COL13A1: variants seen among roughly 807,000 people sequenced by gnomAD.
COL13A1 encodes collagen alpha-1(XIII) chain.
Under a neutral mutation model 130.9 loss-of-function variants are expected in COL13A1, and 89 were observed. The ratio of observed to expected loss-of-function variants is 0.68; its 90% confidence interval spans 0.57 to 0.81. The LOEUF (loss-of-function observed/expected upper bound fraction) is 0.81. Ranked by LOEUF, COL13A1 falls within the 30% of genes least tolerant of loss-of-function variation. The pLI, the probability that COL13A1 is intolerant of heterozygous loss-of-function variation, is 0.00. For missense variants in COL13A1, 879 were observed against 934.6 expected (o/e 0.94, Z 0.78); for synonymous variants, 402 against 341.6 (o/e 1.18, Z -1.95).
rs957746538 is a variant in COL13A1, at chr10:69,935,350, G to A, written c.1729G>A (p.Val577Ile). The stretch of plus-strand genomic sequence containing the variant: ...AACAGGGCTCCCCTTTGGCTTTTAG[G>A]TTCCTGGGCTGCCAGGGCCAGAGGG... ...AGEKGNPGAE[V>I]PGLPGPEGPP... The change falls in exon 32 of 41, where the codon GTT (valine) becomes ATT (isoleucine). Residue 577 changes from valine to isoleucine, a missense_variant and splice_region_variant. Val to Ile is a conservative substitution (Grantham distance 29). Around this residue, in one of 3 missense-constraint regions of COL13A1, gnomAD observed 96 missense variants for 147.7 expected, o/e 0.65. Transcript: ENST00000645393. 6.3e-7 allele frequency: 1 copy of A among 1,580,004 alleles called. No individual in the cohort carries two copies. The highest frequency in any genetic ancestry group is 1.8e-5 in the Admixed American group (1 of 55,892).
chr10:69,875,009 C>T, intron 4 of COL13A1, 119 bp from the exon 5 acceptor site: 1 of 1,201,136 alleles, frequency 8.3e-7, no homozygotes, highest in Admixed American at 1.9e-5. Context: ...GGGATGTCGT[C>T]CCCGCTGCAA....
Position 69,937,724 on chromosome 10 carries a change from C to T in COL13A1, c.1878+9C>T, listed in dbSNP as rs755159694. On this transcript the variant is annotated intron_variant, in intron 34 of 40. Transcript: ENST00000645393. ...GTCCCCTGGGACTACCCGTAAGTAC[C>T]TTGGACCCAGCAAGACTGGTGGGTT... The T allele has an allele frequency of 2.2e-6, 3 of 1,380,740 alleles. No individual in the cohort carries two copies. In the Admixed American group the frequency reaches 5.0e-5, roughly 23 times the overall value. The allele number at this position is 1,380,740 out of a possible 1,614,324, so 85.5% of individuals were successfully genotyped here.
At chr10:69,922,421 A>G (rs577816575) in intron 22 of COL13A1, among the ~76,000 whole-genome samples, 3 of 152,244 alleles carry the variant, frequency 2.0e-5, no homozygotes, top group South Asian at 2.1e-4. Flanking sequence ...GTTATTCCAC[A>G]TTTTGAATAT....
intron 39 of COL13A1, chr10:69,954,135 C>A (rs1474036615): frequency 3.9e-5 from 6 of 152,850 alleles, no homozygotes; most frequent in African/African-American, 1.4e-4. Context: ...CCATCCCCCC[C>A]AGGCTCCACT....
rs531719485 is a variant in COL13A1 at position 69,862,231 on chromosome 10, T to C, written c.365-5567T>C. On this transcript the variant is annotated intron_variant, in intron 2 of 40. Transcript: ENST00000645393. The stretch of plus-strand genomic sequence containing the variant: ...AGCACTAGACCAGGATTCAGGATCA[T>C]TTACCAGCCATGAATAATAGGCAAG... Among the ~76,000 whole-genome samples the C allele has an allele frequency of 7.9e-5, 12 of 152,296 alleles. No homozygotes were observed. The East Asian group carries it at 1.9e-3, about 24-fold the overall frequency.
In COL13A1 at chr10:69,930,412, A is replaced by G. The variant is rs752471307; in HGVS notation, c.1543A>G (p.Lys515Glu). The change falls in exon 30 of 41, where the codon AAA becomes GAA. Residue 515 changes from lysine to glutamate, a missense_variant. Transcript: ENST00000645393. ...GTATTTTCTAAAGGGACCTCGCGGT[A>G]AACCAGGAGACATGGGCCCTCCTGG... The part of the protein sequence containing the change: ...GHDGEKGPRG[K>E]PGDMGPPGPQ... 1.9e-6 allele frequency: 3 copies of G among 1,606,174 alleles called. No homozygotes were observed. The highest frequency in any genetic ancestry group is 2.5e-6 in the Non-Finnish European group (3 of 1,177,832).
intron 2 of COL13A1, among the ~76,000 whole-genome samples, chr10:69,856,443 T>A (rs1437092940): frequency 6.6e-6 from 1 of 152,126 alleles, no homozygotes; most frequent in Non-Finnish European, 1.5e-5. Flanking sequence ...CTAATCTCCC[T>A]CAACTCTTCT....
intron 7 of COL13A1, among the ~76,000 whole-genome samples, chr10:69,882,698 C>A (rs913305286): frequency 6.6e-6 from 1 of 152,224 alleles, no homozygotes; most frequent in Non-Finnish European, 1.5e-5. Flanking sequence ...TGAAACGCTA[C>A]GTTTAAAATG....
intron 5 of COL13A1, among the ~76,000 whole-genome samples, chr10:69,875,769 C>T (rs575890790): frequency 2.0e-5 from 3 of 152,356 alleles, no homozygotes; most frequent in African/African-American, 7.2e-5. Flanking sequence ...GGAAGGCCAG[C>T]CTCAGCCCCT....
In COL13A1 at chr10:69,905,759, T is replaced by C. The variant is rs1245159685; in HGVS notation, c.886-28T>C. 4.3e-6 allele frequency: 7 copies of C among 1,612,246 alleles called. No homozygotes were observed. The Admixed American group carries it at 1.0e-4, about 23-fold the overall frequency. ...CAAAGTTTGGCAGTGGGAAAACCTC[T>C]TTAATGGCCTTCTCTTTGTTTTCCC... On this transcript the variant is annotated intron_variant, in intron 16 of 40. Coordinates refer to ENST00000645393, the MANE Select transcript of COL13A1 (RefSeq NM_001368882.1).
chr10:69,870,978 C>T (rs192254087), intron 3 of COL13A1, among the ~76,000 whole-genome samples: 11 of 151,978 alleles, frequency 7.2e-5, no homozygotes, highest in East Asian at 1.9e-4. Context: ...AAGGGTGGCA[C>T]GATGTGGATG....
rs546473709 is a variant in COL13A1, at chr10:69,894,580, T to C, written c.630+2T>C. 1.8e-4 allele frequency: 287 copies of C among 1,614,008 alleles called. 1 individual carries two copies. The Admixed American group carries it at 4.5e-3, about 26-fold the overall frequency. On this transcript the variant is annotated splice_donor_variant, in intron 11 of 40. Transcript: ENST00000645393. LOFTEE classifies it high-confidence loss of function. The stretch of plus-strand genomic sequence containing the variant: ...CTGACGGGTCCCCCAGGACAGCCGG[T>C]TGGTACCTCATCCATCTATTTCCCA...
At chr10:69,903,053 C>A (rs1411211400) in intron 15 of COL13A1, among the ~76,000 whole-genome samples, 198 bp downstream of exon 15, 2 of 152,250 alleles carry the variant, frequency 1.3e-5, no homozygotes, top group African/African-American at 2.4e-5. Flanking sequence ...GAAACACAAC[C>A]TGGGCCATGT....
At position 69,802,661 on chromosome 10, in the gene COL13A1, G is replaced by T. The variant is rs550915746; in HGVS notation, c.238G>T (p.Gly80Trp). The change falls in exon 1 of 41, where the codon GGG becomes TGG. Residue 80 changes from glycine (G) to tryptophan (W), a missense_variant. Around this residue, in one of 3 missense-constraint regions of COL13A1, gnomAD observed 715 missense variants for 721.0 expected, o/e 0.99. Transcript: ENST00000645393. The stretch of plus-strand genomic sequence containing the variant: ...GGTGCTGCGCCTGGAAGCGGAGCGC[G>T]GGGAGCAGCAAATGGAGACGGCTAT... Reference protein sequence around the residue: ...ARVLRLEAERGEQQMETAILG... With the variant: ...ARVLRLEAERWEQQMETAILG... 14 of 1,613,386 alleles carry T rather than the reference G, an allele frequency of 8.7e-6. No individual in the cohort carries two copies. In the African/African-American group the frequency reaches 1.2e-4, roughly 14 times the overall value.
intron 35 of COL13A1, among the ~76,000 whole-genome samples, chr10:69,943,409 G>A (rs539528877): frequency 4.6e-5 from 7 of 152,342 alleles, no homozygotes; most frequent in South Asian, 2.1e-4. Flanking sequence ...GGGAACGTGG[G>A]AAGATGTTGG....
At chr10:69,830,388 A>T (rs1268872850) in intron 2 of COL13A1, among the ~76,000 whole-genome samples, 1 of 152,266 alleles carries the variant, frequency 6.6e-6, no homozygotes, top group Non-Finnish European at 1.5e-5. Flanking sequence ...TACTTTCATC[A>T]ATGAAAATGC....
At chr10:69,867,878 G>A in intron 3 of COL13A1, 73 bp downstream of exon 3, 1 of 716,124 alleles carries the variant, frequency 1.4e-6, no homozygotes, top group Non-Finnish European at 2.6e-6. Flanking sequence ...GTTCTGGGTG[G>A]GGGCACTGAA....
intron 2 of COL13A1, among the ~76,000 whole-genome samples, chr10:69,839,619 A>G (rs1360550572): frequency 4.6e-5 from 7 of 152,244 alleles, no homozygotes; most frequent in African/African-American, 1.7e-4. Context: ...AGCATAAAGC[A>G]CTAGAAGAGT....
At chr10:69,904,905 C>CTTTTTTTTTTTTTTTTTT in intron 15 of COL13A1, 28 bp from the exon 16 acceptor site, 1 of 1,474,962 alleles carries the variant, frequency 6.8e-7, no homozygotes, top group Non-Finnish European at 9.0e-7. Flanking sequence ...TTTCTTTTTT[C>CTTTTTTTTTTTTTTTTTT]TTTTTTTTTT....
Sources: gnomAD v4.1 joint callset for allele counts (sites outside exome capture counted in the v4.1 genomes callset) on GRCh38, gnomAD v4.1.1 for gene constraint, gnomAD v4.1.1 regional missense constraint, MANE v1.5 for transcripts, NCBI Gene and HGNC (gene_info 2026-07-23, HGNC 2026-07-21) for gene names.